The following SAMD12 variants were observed in gnomAD, a reference collection of about 807,000 sequenced individuals.
SAMD12 encodes the protein sterile alpha motif domain-containing protein 12.
In SAMD12, 9 loss-of-function variants were observed where a neutral mutation model predicts 15.0. The observed-to-expected ratio is 0.60, with a 90% CI of 0.36 to 1.05. The LOEUF is 1.05. SAMD12 is among the 50% of genes least tolerant of loss of function. The pLI is 0.01. For missense variants in SAMD12, 230 were observed against 234.2 expected (o/e 0.98, Z 0.12); for synonymous variants, 86 against 90.1 (o/e 0.96, Z 0.25).
rs562723333 is a variant in SAMD12 at position 118,532,100 on chromosome 8, C to T, written c.192+48615G>A. ...AGCTCTTATTATTTTGAGATACATC[C>T]CATCAACACCTAATTTATTGAGAGT... is the stretch of plus-strand genomic sequence containing the variant. On this transcript the variant is annotated intron_variant, in intron 2 of 3. Coordinates refer to ENST00000314727, the MANE Select transcript of SAMD12 (RefSeq NM_207506.3). Among the ~76,000 whole-genome samples, 4 of 152,210 alleles carry T rather than the reference C, an allele frequency of 2.6e-5. 1 individual carries two copies. In the South Asian group the frequency reaches 8.3e-4, roughly 32 times the overall value.
intron 2 of SAMD12, among the ~76,000 whole-genome samples, chr8:118,579,258 T>C (rs1455572305): frequency 6.6e-6 from 1 of 152,176 alleles, no homozygotes; most frequent in African/African-American, 2.4e-5. Flanking sequence ...ATCTCACTCA[T>C]AGAAAGTCTG....
intron 2 of SAMD12, among the ~76,000 whole-genome samples, chr8:118,485,160 T>C (rs1334272144): frequency 2.0e-5 from 3 of 152,214 alleles, no homozygotes; most frequent in Non-Finnish European, 2.9e-5. Flanking sequence ...ATCAGCAATA[T>C]TCACTAATAT....
chr8:118,484,575 C>G (rs1364196974), intron 2 of SAMD12, among the ~76,000 whole-genome samples: 2 of 152,106 alleles, frequency 1.3e-5, no homozygotes, highest in East Asian at 3.9e-4. Context: ...ACACATTAAA[C>G]ATGTACTGCT....
intron 4 of SAMD12, among the ~76,000 whole-genome samples, chr8:118,329,897 A>G (rs1816736370): frequency 6.6e-6 from 1 of 152,170 alleles, no homozygotes; most frequent in Admixed American, 6.5e-5. Context: ...TTCCTCCAAC[A>G]TCTATGGGAG....
the SAMD12 span, among the ~76,000 whole-genome samples, chr8:118,139,627 G>A: frequency 4.6e-5 from 7 of 152,230 alleles, no homozygotes; most frequent in South Asian, 1.2e-3. Flanking sequence ...CAAGTAGTTG[G>A]GATTACATGT....
intron 1 of SAMD12, 105 bp downstream of exon 1, chr8:118,621,699 A>G: frequency 1.5e-6 from 2 of 1,319,222 alleles, no homozygotes; most frequent in South Asian, 2.4e-5. Context: ...GCTCTCCGCC[A>G]CCCCCTTTCC....
At chr8:118,285,279 C>T (rs1586429597) in intron 4 of SAMD12, among the ~76,000 whole-genome samples, 1 of 152,198 alleles carries the variant, frequency 6.6e-6, no homozygotes, top group Non-Finnish European at 1.5e-5. Flanking sequence ...ACCCATGAGT[C>T]TGAAATCAAC....
intron 3 of SAMD12, among the ~76,000 whole-genome samples, chr8:118,413,000 A>G (rs939097190): frequency 2.0e-5 from 3 of 152,058 alleles, no homozygotes; most frequent in African/African-American, 7.3e-5. Flanking sequence ...CTTCTCTGGC[A>G]CCTCCACACC....
chr8:118,319,913 C>T (rs1816143178), intron 4 of SAMD12, among the ~76,000 whole-genome samples: 1 of 152,142 alleles, frequency 6.6e-6, no homozygotes, highest in Non-Finnish European at 1.5e-5. Context: ...AGGAAGGAAG[C>T]TTAGAACTCG....
In SAMD12 at chr8:118,534,038, C is replaced by T. The variant is rs183728076; in HGVS notation, c.192+46677G>A. On this transcript the variant is annotated intron_variant, in intron 2 of 3. Transcript: ENST00000314727. ...AGTTGATTCAGTTTCTTCCTAGCTTCGATGGTCTTTACAATTTGGCATGTT... is the reference window on the plus strand; with the variant it reads ...AGTTGATTCAGTTTCTTCCTAGCTTTGATGGTCTTTACAATTTGGCATGTT... 2.6e-4 allele frequency among the ~76,000 whole-genome samples: 40 copies of T among 152,268 alleles called. No individual in the cohort carries two copies. The East Asian group carries it at 6.2e-3, about 23-fold the overall frequency.
At chr8:118,422,575 C>A (rs542745066) in intron 3 of SAMD12, among the ~76,000 whole-genome samples, 1 of 152,054 alleles carries the variant, frequency 6.6e-6, no homozygotes, top group South Asian at 2.1e-4. Flanking sequence ...ATGAAGCTGA[C>A]GAAAAACCTC....
At chr8:118,383,531 C>A (rs545468378) in intron 3 of SAMD12, among the ~76,000 whole-genome samples, 1 of 152,256 alleles carries the variant, frequency 6.6e-6, no homozygotes, top group East Asian at 1.9e-4. Flanking sequence ...ACCGTCCCAG[C>A]GTGAACATTC....
Position 118,397,868 on chromosome 8 carries a change from C to T in SAMD12, c.323-18168G>A, listed in dbSNP as rs563333430. 3.2e-3 allele frequency among the ~76,000 whole-genome samples: 487 copies of T among 152,300 alleles called. 1 individual carries two copies. Among genetic ancestry groups the T allele is most frequent in the African/African-American group, 0.011 (466 of 41,562 alleles). The stretch of plus-strand genomic sequence containing the variant: ...AGTGCAGTGGTGCAATCACAGCTCA[C>T]TTCATCTTCGACTTCCTGGGCTCAA... On this transcript the variant is annotated intron_variant, in intron 3 of 3. Coordinates refer to ENST00000314727, the MANE Select transcript of SAMD12 (RefSeq NM_207506.3).
chr8:118,342,521 C>T (rs949655995), intron 4 of SAMD12, among the ~76,000 whole-genome samples: 3 of 152,142 alleles, frequency 2.0e-5, no homozygotes, highest in Non-Finnish European at 4.4e-5. Flanking sequence ...GGCCAAATTA[C>T]AGTCCGATAA....
intron 1 of SAMD12, among the ~76,000 whole-genome samples, chr8:118,586,709 G>A (rs1241634497): frequency 6.6e-6 from 1 of 152,028 alleles, no homozygotes; most frequent in African/African-American, 2.4e-5. Flanking sequence ...TTATTGACAG[G>A]TCTGCTAAAT....
At chr8:118,420,090 T>G (rs1437116968) in intron 3 of SAMD12, among the ~76,000 whole-genome samples, 3 of 152,240 alleles carry the variant, frequency 2.0e-5, no homozygotes, top group Admixed American at 6.5e-5. Context: ...TGGAGACGTA[T>G]GATTTCTTCT....
chr8:118,513,782 A>C (rs770495786), intron 2 of SAMD12, among the ~76,000 whole-genome samples: 2 of 152,204 alleles, frequency 1.3e-5, no homozygotes, highest in Non-Finnish European at 2.9e-5. Context: ...CAGAGAGGCC[A>C]AAAGGAGGGA....
At chr8:118,414,253 G>T (rs546429986) in intron 3 of SAMD12, among the ~76,000 whole-genome samples, 1 of 152,158 alleles carries the variant, frequency 6.6e-6, no homozygotes, top group Non-Finnish European at 1.5e-5. Context: ...AAAGGGCATT[G>T]TATTTCCAAG....
the SAMD12 span, among the ~76,000 whole-genome samples, chr8:118,140,359 C>A: frequency 1.3e-5 from 2 of 152,094 alleles, no homozygotes; most frequent in Non-Finnish European, 2.9e-5. Context: ...GCAGCCTCCA[C>A]CTCCTGGGCT....
Sources: gnomAD v4.1 joint callset for allele counts (sites outside exome capture counted in the v4.1 genomes callset) on GRCh38, gnomAD v4.1.1 for gene constraint, MANE v1.5 for transcripts, NCBI Gene and HGNC (gene_info 2026-07-23, HGNC 2026-07-21) for gene names.